Variants in ERP44 observed in about 807,000 individuals in gnomAD.
ERP44 encodes endoplasmic reticulum protein 44.
In ERP44, 25 loss-of-function variants were observed where a neutral mutation model predicts 53.4. That is an observed-to-expected ratio of 0.47 (90% CI 0.34 to 0.65). The LOEUF (loss-of-function observed/expected upper bound fraction) is 0.65, where lower values mean the gene tolerates loss of function less well. ERP44 is among the 30% of genes least tolerant of loss of function. ERP44 has a pLI of 0.01. For synonymous variants in ERP44, 145 were observed against 161.2 expected, an observed-to-expected ratio of 0.90 and a Z score of 0.76; for missense variants, 338 against 493.2, an observed-to-expected ratio of 0.69 and a Z score of 2.98.
chr9:100,044,941 C>T (rs944475502), intron 4 of ERP44, among the ~76,000 whole-genome samples: 10 of 151,950 alleles, frequency 6.6e-5, no homozygotes, highest in East Asian at 1.9e-4. Flanking sequence ...CAGAAATGGG[C>T]GAATTCTCCA....
chr9:100,083,953 C>T (rs548614801), intron 1 of ERP44, among the ~76,000 whole-genome samples: 65 of 152,050 alleles, frequency 4.3e-4, no homozygotes, highest in African/African-American at 1.4e-3. Context: ...CCTTTTCCAC[C>T]CCGTGAAAAA....
intron 1 of ERP44, among the ~76,000 whole-genome samples, chr9:100,085,556 G>A (rs1185362001): frequency 6.6e-6 from 1 of 152,218 alleles, no homozygotes; most frequent in Non-Finnish European, 1.5e-5. Context: ...TATGGTGTAC[G>A]TAAGTTAAGG....
chr9:100,007,720 C>T (rs1830435694), intron 8 of ERP44, 31 bp from the exon 9 acceptor site: 4 of 1,114,678 alleles, frequency 3.6e-6, no homozygotes, highest in Middle Eastern at 3.9e-4. Flanking sequence ...TGAGAATTAT[C>T]AGGCTTCTCC....
chr9:100,065,428 C>T (rs1826199908), intron 1 of ERP44, among the ~76,000 whole-genome samples: 2 of 152,042 alleles, frequency 1.3e-5, no homozygotes, highest in Non-Finnish European at 2.9e-5. Context: ...GTCATCATGC[C>T]ATGCGTGACT....
chr9:100,074,300 G>A (rs545557361), intron 1 of ERP44, among the ~76,000 whole-genome samples: 55 of 152,208 alleles, frequency 3.6e-4, no homozygotes, highest in African/African-American at 1.3e-3. Flanking sequence ...CAAAACCACT[G>A]CCTGGTGCCA....
intron 4 of ERP44, among the ~76,000 whole-genome samples, chr9:100,046,700 GC>G (rs909267114): frequency 2.6e-5 from 4 of 152,048 alleles, no homozygotes; most frequent in Non-Finnish European, 5.9e-5. Flanking sequence ...CCCACAAATT[GC>G]CCTGAGGATT....
chr9:100,089,448 G>T (rs1204874311), intron 1 of ERP44, among the ~76,000 whole-genome samples: 4 of 152,048 alleles, frequency 2.6e-5, no homozygotes, highest in Non-Finnish European at 4.4e-5. Flanking sequence ...GGGTGTAGTG[G>T]CGAGTGCCTG....
chr9:100,029,431 C>T (rs1825750130), intron 4 of ERP44, among the ~76,000 whole-genome samples: 1 of 152,198 alleles, frequency 6.6e-6, no homozygotes, highest in South Asian at 2.1e-4. Flanking sequence ...GTCAGTTTCA[C>T]TAATCATGTG....
At chr9:100,041,303 TAA>T (rs76504492) in intron 4 of ERP44, among the ~76,000 whole-genome samples, 268 of 150,534 alleles carry the variant, frequency 1.8e-3, no homozygotes, top group Non-Finnish European at 2.2e-3. Flanking sequence ...TTTTTTGCCA[TAA>T]AAAAAAAAGG....
At chr9:100,086,571 C>T (rs1231896891) in intron 1 of ERP44, among the ~76,000 whole-genome samples, 2 of 152,230 alleles carry the variant, frequency 1.3e-5, no homozygotes, top group Non-Finnish European at 2.9e-5. Flanking sequence ...TGCCAGACAT[C>T]ATACAATGTC....
At chr9:100,084,419 G>C (rs1203897534) in intron 1 of ERP44, among the ~76,000 whole-genome samples, 1 of 152,168 alleles carries the variant, frequency 6.6e-6, no homozygotes, top group African/African-American at 2.4e-5. Flanking sequence ...GGATGACTGT[G>C]TATACTTTTA....
At chr9:99,982,787 G>T in intron 11 of ERP44, 74 bp from the exon 12 acceptor site, 1 of 786,436 alleles carries the variant, frequency 1.3e-6, no homozygotes, top group East Asian at 3.0e-5. Context: ...AAGTGTATTC[G>T]ATGAATAGTA....
At chr9:100,047,950 G>A (rs1046773652) in intron 4 of ERP44, among the ~76,000 whole-genome samples, 2 of 152,058 alleles carry the variant, frequency 1.3e-5, no homozygotes, top group Admixed American at 1.3e-4. Flanking sequence ...TTTCTCCAAG[G>A]AAGATATACA....
At chr9:100,086,496 AC>A (rs1294190624) in intron 1 of ERP44, among the ~76,000 whole-genome samples, 1 of 152,222 alleles carries the variant, frequency 6.6e-6, no homozygotes, top group East Asian at 1.9e-4. Flanking sequence ...CCATTTCACA[AC>A]GACTCCATTC....
chr9:100,022,649 G>A (rs1291608372), intron 4 of ERP44, among the ~76,000 whole-genome samples: 1 of 152,156 alleles, frequency 6.6e-6, no homozygotes, highest in African/African-American at 2.4e-5. Context: ...TAAAATACCT[G>A]ACAGCAGCAT....
chr9:100,056,204 G>A (rs1480225582), intron 3 of ERP44, among the ~76,000 whole-genome samples: 1 of 152,052 alleles, frequency 6.6e-6, no homozygotes, highest in Non-Finnish European at 1.5e-5. Flanking sequence ...CTGGATCTCA[G>A]TTTTCTTATT....
intron 1 of ERP44, among the ~76,000 whole-genome samples, chr9:100,062,142 G>A (rs192529794): frequency 6.6e-6 from 1 of 152,244 alleles, no homozygotes; most frequent in East Asian, 1.9e-4. Flanking sequence ...ATTACTATTA[G>A]ATCATACCCC....
In ERP44 at chr9:100,086,950, CTT is replaced by C. The variant is rs138366013; in HGVS notation, c.57+11832_57+11833del. On this transcript the variant is annotated intron_variant, in intron 1 of 11. Transcript: ENST00000262455. ...CAGTTTACAAACATGTATATTATCT[CTT>C]TAAATCATCATAGCAACTCTGAACG... 1.7e-3 allele frequency among the ~76,000 whole-genome samples: 251 copies of C among 151,730 alleles called. 2 individuals carry two copies. Among genetic ancestry groups the C allele is most frequent in the African/African-American group, 5.9e-3 (241 of 41,174 alleles).
At position 99,994,592 on chromosome 9, in the gene ERP44, A is replaced by C. The variant is rs564158727; in HGVS notation, c.1017-9523T>G. Among the ~76,000 whole-genome samples the C allele has an allele frequency of 3.9e-5, 6 of 152,266 alleles. No homozygotes were observed. The South Asian group carries it at 1.2e-3, about 32-fold the overall frequency. ...GGTGCAGCAAACCAACATGGCATAC[A>C]TATACATAAGTAACAAACCTGCACG... On this transcript the variant is annotated intron_variant, in intron 10 of 11. Transcript: ENST00000262455.
Sources: gnomAD v4.1 joint callset for allele counts (sites outside exome capture counted in the v4.1 genomes callset) on GRCh38, gnomAD v4.1.1 for gene constraint, MANE v1.5 for transcripts, NCBI Gene and HGNC (gene_info 2026-07-23, HGNC 2026-07-21) for gene names.